The following ATXN7 variants were observed in gnomAD, a reference collection of about 807,000 sequenced individuals.
ATXN7 encodes ataxin 7.
Under a neutral mutation model 70.5 loss-of-function variants are expected in ATXN7, and 12 were observed. The observed-to-expected ratio is 0.17, with a 90% confidence interval of 0.11 to 0.28. ATXN7 has a LOEUF of 0.28. Among genes scored for constraint, ATXN7 ranks in the 10% least tolerant of loss-of-function variants. The pLI is 1.00. For missense variants in ATXN7, 1,256 were observed against 1,131.7 expected (o/e 1.11, Z -1.58); for synonymous variants, 498 against 448.7 (o/e 1.11, Z -1.39).
At chr3:63,879,838 C>T (rs910059001) in intron 1 of ATXN7, among the ~76,000 whole-genome samples, 1 of 152,034 alleles carries the variant, frequency 6.6e-6, no homozygotes, top group Non-Finnish European at 1.5e-5. Flanking sequence ...AATCCTAGCA[C>T]TTTGGGAGGC....
chr3:63,998,419 G>C (rs906412832), intron 12 of ATXN7: 1 of 985,200 alleles, frequency 1.0e-6, no homozygotes, highest in Non-Finnish European at 1.2e-6. Flanking sequence ...CTTAAATCTG[G>C]TATAGCCTAT....
At chr3:63,963,786 T>A (rs1657178140) in intron 5 of ATXN7, among the ~76,000 whole-genome samples, 1 of 152,208 alleles carries the variant, frequency 6.6e-6, no homozygotes, top group Non-Finnish European at 1.5e-5. Context: ...TCTTGCTTTT[T>A]GTCTGTGTGA....
chr3:63,997,997 T>C (rs962318810), intron 12 of ATXN7: 6 of 985,278 alleles, frequency 6.1e-6, no homozygotes, highest in African/African-American at 3.5e-5. Context: ...CATTACAGTT[T>C]ATAAGCATAA....
intron 5 of ATXN7, among the ~76,000 whole-genome samples, 169 bp downstream of exon 5, chr3:63,952,652 A>C (rs1371923663): frequency 6.6e-6 from 1 of 152,106 alleles, no homozygotes; most frequent in East Asian, 1.9e-4. Context: ...GGGTATTTTT[A>C]AATTTTTATT....
chr3:63,908,620 G>T (rs532140749), intron 2 of ATXN7, among the ~76,000 whole-genome samples: 1 of 152,304 alleles, frequency 6.6e-6, no homozygotes, highest in South Asian at 2.1e-4. Context: ...GGGACTGGTG[G>T]TTTTTTCCAA....
chr3:63,924,780 T>C (rs531868639), intron 4 of ATXN7, among the ~76,000 whole-genome samples: 1 of 151,982 alleles, frequency 6.6e-6, no homozygotes, highest in Non-Finnish European at 1.5e-5. Flanking sequence ...AGAGGGCAAG[T>C]ATGGACAGCT....
intron 5 of ATXN7, among the ~76,000 whole-genome samples, chr3:63,961,046 A>G (rs946349579): frequency 6.6e-6 from 1 of 152,170 alleles, no homozygotes; most frequent in African/African-American, 2.4e-5. Context: ...ATTGTAAAAG[A>G]AATTAAACAA....
intron 5 of ATXN7, among the ~76,000 whole-genome samples, chr3:63,965,096 A>G (rs1017347235): frequency 6.6e-5 from 10 of 152,198 alleles, no homozygotes; most frequent in Non-Finnish European, 1.2e-4. Flanking sequence ...AGGAAATCCC[A>G]AGATTTGTAG....
chr3:63,986,997 ACTC>A (rs2075588328), intron 8 of ATXN7, among the ~76,000 whole-genome samples: 1 of 152,040 alleles, frequency 6.6e-6, no homozygotes, highest in Non-Finnish European at 1.5e-5. Flanking sequence ...AAACTCATCC[ACTC>A]CTCAGGATTA....
intron 8 of ATXN7, among the ~76,000 whole-genome samples, chr3:63,985,727 G>A (rs533044374): frequency 1.3e-5 from 2 of 152,216 alleles, no homozygotes; most frequent in African/African-American, 2.4e-5. Context: ...CTAATATCCC[G>A]TCGAAAGTCC....
chr3:63,916,293 T>G (rs916993160), intron 4 of ATXN7, among the ~76,000 whole-genome samples: 8 of 152,130 alleles, frequency 5.3e-5, no homozygotes, highest in Admixed American at 1.3e-4. Context: ...AGGTACAGGG[T>G]TTTAAAATCT....
chr3:63,968,538 T>C (rs1298000477), intron 5 of ATXN7: 1 of 152,220 alleles, frequency 6.6e-6, no homozygotes, highest in Non-Finnish European at 1.5e-5. Flanking sequence ...GTCAGATACT[T>C]CAATTCCACA....
intron 2 of ATXN7, among the ~76,000 whole-genome samples, chr3:63,907,056 A>C (rs192060600): frequency 1.6e-4 from 25 of 152,380 alleles, no homozygotes; most frequent in Admixed American, 1.6e-3. Flanking sequence ...AGGGCTTACT[A>C]TGTGACAAGC....
chr3:63,894,371 A>C (rs1703379594), intron 1 of ATXN7, among the ~76,000 whole-genome samples: 1 of 152,226 alleles, frequency 6.6e-6, no homozygotes, highest in Admixed American at 6.5e-5. Context: ...GAAAACAAAA[A>C]AGTGGGCTAT....
chr3:63,973,558 C>G (rs943057774), intron 5 of ATXN7, among the ~76,000 whole-genome samples: 3 of 152,136 alleles, frequency 2.0e-5, no homozygotes, highest in Non-Finnish European at 2.9e-5. Flanking sequence ...ACCAGGGATG[C>G]CCGGCCAGTG....
chr3:63,991,040 T>C, intron 11 of ATXN7, 181 bp downstream of exon 11: 1 of 800,664 alleles, frequency 1.2e-6, no homozygotes, highest in Middle Eastern at 3.3e-4. Flanking sequence ...CAACTACATA[T>C]TGTTGTGGGT....
At chr3:63,941,726 A>G (rs1188496304) in intron 4 of ATXN7, among the ~76,000 whole-genome samples, 1 of 152,110 alleles carries the variant, frequency 6.6e-6, no homozygotes, top group African/African-American at 2.4e-5. Flanking sequence ...CGTTGGTTCC[A>G]TCATTTGACA....
intron 12 of ATXN7, chr3:63,997,757 T>C: frequency 6.6e-7 from 1 of 1,523,598 alleles, no homozygotes; most frequent in Non-Finnish European, 8.8e-7. Context: ...GCCAGCCGGG[T>C]TAGGACTTTT....
intron 1 of ATXN7, among the ~76,000 whole-genome samples, chr3:63,886,257 G>T (rs984622899): frequency 6.6e-6 from 1 of 152,176 alleles, no homozygotes; most frequent in Non-Finnish European, 1.5e-5. Flanking sequence ...AGTTGGGGGA[G>T]TGGTGAGGGA....
Sources: allele counts gnomAD v4.1 joint callset (sites outside exome capture counted in the v4.1 genomes callset), GRCh38; gene constraint gnomAD v4.1.1; transcripts MANE v1.5; gene names NCBI Gene and HGNC (gene_info 2026-07-23, HGNC 2026-07-21).